Variants in PCDH15 observed in about 807,000 individuals in gnomAD.
PCDH15 encodes the protein protocadherin-15.
PCDH15 carries 129 observed loss-of-function variants against 178.5 expected under a neutral mutation model. The observed-to-expected ratio is 0.72, with a 90% CI of 0.63 to 0.84. PCDH15 has a LOEUF of 0.84. PCDH15 is among the 40% of genes least tolerant of loss of function. The pLI is 0.00. For missense variants in PCDH15, 2,230 were observed against 2,099.9 expected (o/e 1.06, Z -1.21); for synonymous variants, 800 against 732.0 (o/e 1.09, Z -1.50).
chr10:54,152,910 G>T (rs143678841), intron 14 of PCDH15, among the ~76,000 whole-genome samples, 190 bp downstream of exon 14: 192 of 152,134 alleles, frequency 1.3e-3, no homozygotes, highest in African/African-American at 4.5e-3. Context: ...ATATGCCTCT[G>T]ATATTGTCCT....
At chr10:55,065,832 T>A (rs1466995964) in intron 2 of PCDH15, among the ~76,000 whole-genome samples, 3 of 151,980 alleles carry the variant, frequency 2.0e-5, no homozygotes, top group Non-Finnish European at 2.9e-5. Flanking sequence ...ACTTTAAAGT[T>A]CTCTAGACAA....
chr10:54,038,341 G>C (rs559211887), intron 18 of PCDH15, among the ~76,000 whole-genome samples: 52 of 151,968 alleles, frequency 3.4e-4, no homozygotes, highest in African/African-American at 1.2e-3. Flanking sequence ...TCTCTGGCAA[G>C]CAGACAATGA....
intron 3 of PCDH15, among the ~76,000 whole-genome samples, chr10:54,506,630 C>T (rs754406227): frequency 6.6e-6 from 1 of 151,942 alleles, no homozygotes; most frequent in African/African-American, 2.4e-5. Flanking sequence ...AGCAGAAGGA[C>T]TCCTAAGACA....
In PCDH15 at chr10:54,134,069, A is replaced by C. The variant is rs1002654410; in HGVS notation, c.1785-1062T>G. On this transcript the variant is annotated intron_variant, in intron 14 of 37. Transcript: ENST00000644397. Reference sequence around the variant, plus strand: ...TTATTTATTTATTTATTTGAGACGGAGAGTTGCTCTCCAGCCCAGGCTGGA... The same window carrying C: ...TTATTTATTTATTTATTTGAGACGGCGAGTTGCTCTCCAGCCCAGGCTGGA... Among the ~76,000 whole-genome samples the C allele has an allele frequency of 4.4e-5, 6 of 134,834 alleles. 1 individual carries two copies. The highest frequency in any genetic ancestry group is 1.5e-4 in the African/African-American group (6 of 38,970). The allele number at this position is 134,834 out of a possible 152,430, so 88.5% of individuals were successfully genotyped here.
At chr10:55,222,730 C>CAT (rs142618720) in intron 1 of PCDH15, among the ~76,000 whole-genome samples, 25 of 121,212 alleles carry the variant, frequency 2.1e-4, no homozygotes, top group East Asian at 1.7e-3. Flanking sequence ...CACACACACA[C>CAT]ATATATATAT....
chr10:55,521,215 C>A (rs2132164827), intron 2 of PCDH15, among the ~76,000 whole-genome samples: 1 of 152,038 alleles, frequency 6.6e-6, no homozygotes, highest in South Asian at 2.1e-4. Context: ...AGCATAATGT[C>A]TTTTAGATTT....
intron 3 of PCDH15, among the ~76,000 whole-genome samples, chr10:54,445,302 G>A (rs908068693): frequency 6.6e-6 from 1 of 151,042 alleles, no homozygotes; most frequent in Non-Finnish European, 1.5e-5. Flanking sequence ...ATGAATATAA[G>A]CACATCTTTC....
chr10:55,327,008 T>C (rs1270874313), intron 2 of PCDH15, among the ~76,000 whole-genome samples: 2 of 152,118 alleles, frequency 1.3e-5, no homozygotes, highest in Non-Finnish European at 2.9e-5. Flanking sequence ...GAATGGATCA[T>C]AAATGTTGCT....
chr10:55,214,912 T>C (rs186327992), intron 1 of PCDH15, among the ~76,000 whole-genome samples: 1 of 152,258 alleles, frequency 6.6e-6, no homozygotes, highest in East Asian at 1.9e-4. Context: ...TGTTTTACAG[T>C]GTAATGGTAG....
intron 2 of PCDH15, among the ~76,000 whole-genome samples, chr10:54,601,829 T>C (rs1224967035): frequency 7.2e-5 from 11 of 152,010 alleles, no homozygotes. Flanking sequence ...TGCGGTAACA[T>C]GGATGGAGCA....
At chr10:53,816,182 G>A (rs2132430198) in intron 35 of PCDH15, 57 bp downstream of exon 35, 1 of 398,504 alleles carries the variant, frequency 2.5e-6, no homozygotes, top group South Asian at 1.3e-4. Flanking sequence ...TAATACAATA[G>A]ATCTTAAAGT....
At chr10:53,908,507 G>A (rs2082839285) in intron 25 of PCDH15, among the ~76,000 whole-genome samples, 1 of 152,124 alleles carries the variant, frequency 6.6e-6, no homozygotes, top group African/African-American at 2.4e-5. Context: ...AAAGTCAAGG[G>A]CTCAAGCCTG....
intron 3 of PCDH15, among the ~76,000 whole-genome samples, chr10:54,882,624 T>G (rs939190988): frequency 6.6e-6 from 1 of 152,052 alleles, no homozygotes; most frequent in Non-Finnish European, 1.5e-5. Flanking sequence ...TTTCAAAAAC[T>G]TTCCTTATAA....
Position 55,530,287 on chromosome 10 carries a change from C to A in PCDH15, c.-156+97338G>T, listed in dbSNP as rs374354151. On this transcript the variant is annotated intron_variant, in intron 2 of 5. Transcript: ENST00000613346. ...CAATTCTCTAACCATCATTATTATT[C>A]TTATCCATCTCAAGTTAATTTTTAG... Among the ~76,000 whole-genome samples the A allele has an allele frequency of 1.4e-4, 21 of 151,938 alleles. No homozygotes were observed. In the East Asian group the frequency reaches 3.5e-3, roughly 25 times the overall value.
intron 3 of PCDH15, among the ~76,000 whole-genome samples, chr10:54,806,754 G>T (rs1591712004): frequency 6.6e-6 from 1 of 152,236 alleles, no homozygotes; most frequent in South Asian, 2.1e-4. Context: ...AGAATTCTGG[G>T]ATTACAGGTC....
intron 1 of PCDH15, among the ~76,000 whole-genome samples, chr10:55,307,101 T>C (rs1843446952): frequency 1.3e-5 from 2 of 152,088 alleles, no homozygotes; most frequent in East Asian, 1.9e-4. Context: ...TTCTGCTATG[T>C]AATATGTATT....
At chr10:54,419,575 A>C (rs997058629) in intron 3 of PCDH15, among the ~76,000 whole-genome samples, 1 of 152,110 alleles carries the variant, frequency 6.6e-6, no homozygotes, top group Admixed American at 6.6e-5. Flanking sequence ...CCACCTCATG[A>C]AAGTCTTTTC....
chr10:54,342,138 G>A (rs1049203289), intron 6 of PCDH15, among the ~76,000 whole-genome samples: 6 of 152,168 alleles, frequency 3.9e-5, no homozygotes, highest in African/African-American at 1.2e-4. Flanking sequence ...CATAAGTAAC[G>A]AGGAACCAAC....
chr10:54,146,210 T>A (rs1051627952), intron 14 of PCDH15, among the ~76,000 whole-genome samples: 1 of 151,944 alleles, frequency 6.6e-6, no homozygotes, highest in Admixed American at 6.6e-5. Flanking sequence ...AAAGAGAAAA[T>A]TGTATTTTAA....
Sources: gnomAD v4.1 joint callset for allele counts (sites outside exome capture counted in the v4.1 genomes callset) on GRCh38, gnomAD v4.1.1 for gene constraint, MANE v1.5 for transcripts, NCBI Gene and HGNC (gene_info 2026-07-23, HGNC 2026-07-21) for gene names.